NFIA: variants seen among roughly 807,000 people sequenced by gnomAD.
The protein encoded by NFIA is nuclear factor I A.
A neutral mutation model predicts 62.8 loss-of-function variants in NFIA; 8 were observed. That is an observed-to-expected ratio of 0.13 (90% confidence interval 0.07 to 0.23). The LOEUF (loss-of-function observed/expected upper bound fraction) is 0.23, where lower values mean the gene tolerates loss of function less well. Among genes scored for constraint, NFIA ranks in the 10% least tolerant of loss-of-function variants. The pLI, the probability that NFIA is intolerant of heterozygous loss-of-function variation, is 1.00. For synonymous variants in NFIA, 235 were observed against 238.1 expected (o/e 0.99, Z 0.12); for missense variants, 410 against 642.1 (o/e 0.64, Z 3.91).
intron 2 of NFIA, among the ~76,000 whole-genome samples, chr1:61,213,966 T>C (rs333150): frequency 0.069 from 10,508 of 152,174 alleles, 521 homozygotes; most frequent in East Asian, 0.25. Context: ...TCCAGGAAGG[T>C]GGGATACAAA....
At chr1:61,308,190 T>C (rs1416293775) in intron 3 of NFIA, among the ~76,000 whole-genome samples, 2 of 152,222 alleles carry the variant, frequency 1.3e-5, no homozygotes, top group Non-Finnish European at 2.9e-5. Flanking sequence ...TCTGTATGAA[T>C]GTTGCAGAGG....
intron 2 of NFIA, among the ~76,000 whole-genome samples, chr1:61,228,734 C>G (rs1039326135): frequency 5.3e-5 from 8 of 151,666 alleles, no homozygotes; most frequent in Non-Finnish European, 7.4e-5. Flanking sequence ...ATGTTAAATC[C>G]AAAAGAATCC....
At chr1:61,223,927 G>A (rs1654168947) in intron 2 of NFIA, among the ~76,000 whole-genome samples, 1 of 152,038 alleles carries the variant, frequency 6.6e-6, no homozygotes. Flanking sequence ...TCAGAAACCA[G>A]CCTGTTTGAA....
At chr1:61,453,373 G>C (rs1668147484) in intron 10 of NFIA, among the ~76,000 whole-genome samples, 1 of 150,820 alleles carries the variant, frequency 6.6e-6, no homozygotes, top group African/African-American at 2.4e-5. Flanking sequence ...TTTCAGTGAA[G>C]GATTACAGAG....
intron 3 of NFIA, among the ~76,000 whole-genome samples, chr1:61,316,336 T>C (rs1660365210): frequency 6.6e-6 from 1 of 152,164 alleles, no homozygotes; most frequent in East Asian, 1.9e-4. Context: ...ACAGAGAATA[T>C]AAGTCAGACA....
At chr1:61,363,297 C>T (rs757065055) in intron 6 of NFIA, among the ~76,000 whole-genome samples, 3 of 152,186 alleles carry the variant, frequency 2.0e-5, no homozygotes, top group Non-Finnish European at 4.4e-5. Flanking sequence ...ATGTCCTGGA[C>T]TGGTACTTTA....
rs186086739 is a variant in NFIA at position 61,363,553 on chromosome 1, G to A, written c.946+4279G>A. 2.6e-4 allele frequency among the ~76,000 whole-genome samples: 40 copies of A among 151,168 alleles called. 2 individuals are homozygous for A. The East Asian group carries it at 7.4e-3, about 28-fold the overall frequency. On this transcript the variant is annotated intron_variant, in intron 6 of 10. Transcript: ENST00000403491. ...TGGGAGGTGGAGGTTGCAGTGAACC[G>A]AGATCGTGCCATTGCACTCCAGCCT...
intron 9 of NFIA, among the ~76,000 whole-genome samples, chr1:61,419,789 A>G (rs1666523350): frequency 2.0e-5 from 3 of 152,198 alleles, no homozygotes; most frequent in African/African-American, 4.8e-5. Context: ...AGCATTGCTA[A>G]TATATTTAAG....
chr1:61,218,632 A>T (rs1302268967), intron 2 of NFIA, among the ~76,000 whole-genome samples: 1 of 152,196 alleles, frequency 6.6e-6, no homozygotes, highest in Non-Finnish European at 1.5e-5. Context: ...TCTTCCAAAC[A>T]TATATATGTA....
At chr1:61,148,394 C>T (rs1307451354) in intron 2 of NFIA, among the ~76,000 whole-genome samples, 3 of 152,176 alleles carry the variant, frequency 2.0e-5, no homozygotes, top group South Asian at 4.1e-4. Context: ...TCCCTGTCCC[C>T]TATCCCCTTT....
At chr1:61,195,063 G>A (rs199960198) in intron 2 of NFIA, among the ~76,000 whole-genome samples, 2 of 151,734 alleles carry the variant, frequency 1.3e-5, no homozygotes, top group Non-Finnish European at 2.9e-5. Flanking sequence ...ACCTCTTGTT[G>A]TATGTTATTC....
chr1:61,283,575 C>G (rs1658271572), intron 3 of NFIA, among the ~76,000 whole-genome samples: 1 of 22,690 alleles, frequency 4.4e-5, no homozygotes, highest in Admixed American at 1.0e-3. Flanking sequence ...GAACGAGACT[C>G]TGTCTCAAAA....
chr1:61,082,639 C>CAA lies in NFIA; in HGVS notation c.-152_-151dup. 6.6e-7 allele frequency: 1 copy of CAA among 1,518,456 alleles called. No individual in the cohort carries two copies. The highest frequency in any genetic ancestry group is 1.3e-5 in the South Asian group (1 of 79,610). The allele number at this position is 1,518,456 out of a possible 1,614,324, so 94.1% of individuals were successfully genotyped here. A position where few individuals can be genotyped will look rare whatever the true frequency, so the allele number is the denominator to read the frequency against. ...TTGAGCCGACTTGGAAATGTGAACG[C>CAA]AAGAAGCAGGCTTGATTTTTTTTTC... is the stretch of plus-strand genomic sequence containing the variant. On this transcript the variant is annotated 5_prime_UTR_variant, in exon 1 of 11. Coordinates refer to ENST00000403491, the MANE Select transcript of NFIA (RefSeq NM_001134673.4).
At position 61,458,301 on chromosome 1, in the gene NFIA, G is replaced by C. The variant is rs1668393857; in HGVS notation, c.*2981G>C. On this transcript the variant is annotated 3_prime_UTR_variant, in exon 11 of 11. Transcript: ENST00000403491. ...ACATTTTGTCAGAACCTTGCAATAA[G>C]CCAAGGTATTACCAGTAAATTGGTT... 1 of 152,032 alleles carries C rather than the reference G, an allele frequency of 6.6e-6. No homozygotes were observed. Among genetic ancestry groups the C allele is most frequent in the East Asian group, 1.9e-4 (1 of 5,188 alleles). The allele number at this position is 152,032 out of a possible 1,614,324, so 9.4% of individuals were successfully genotyped here. A position where few individuals can be genotyped will look rare whatever the true frequency, so the allele number is the denominator to read the frequency against.
At chr1:61,451,615 T>C (rs1668064021) in intron 10 of NFIA, among the ~76,000 whole-genome samples, 1 of 152,224 alleles carries the variant, frequency 6.6e-6, no homozygotes, top group Non-Finnish European at 1.5e-5. Context: ...CGACTAATTT[T>C]ACGTAACTGG....
chr1:61,454,687 C>T (rs1371451228), intron 10 of NFIA, among the ~76,000 whole-genome samples: 1 of 152,188 alleles, frequency 6.6e-6, no homozygotes, highest in Admixed American at 6.5e-5. Flanking sequence ...AATACTGTGA[C>T]TTGCTCAAAA....
At chr1:61,245,132 G>A (rs1655562888) in intron 2 of NFIA, among the ~76,000 whole-genome samples, 1 of 152,094 alleles carries the variant, frequency 6.6e-6, no homozygotes, top group Admixed American at 6.6e-5. Flanking sequence ...AGTATGAGGA[G>A]GACATACTTG....
At chr1:61,290,082 CTTTG>C (rs1353809276) in intron 3 of NFIA, among the ~76,000 whole-genome samples, 1 of 143,402 alleles carries the variant, frequency 7.0e-6, no homozygotes, top group Non-Finnish European at 1.5e-5. Flanking sequence ...TTTATGAACA[CTTTG>C]TTCTTTTTTT....
intron 2 of NFIA, among the ~76,000 whole-genome samples, chr1:61,254,070 T>A (rs748531506): frequency 2.0e-5 from 3 of 152,206 alleles, no homozygotes; most frequent in Non-Finnish European, 4.4e-5. Flanking sequence ...GAGTAAGACT[T>A]CATAAACATA....
Sources: allele counts gnomAD v4.1 joint callset (sites outside exome capture counted in the v4.1 genomes callset), GRCh38; gene constraint gnomAD v4.1.1; transcripts MANE v1.5; gene names NCBI Gene and HGNC (gene_info 2026-07-23, HGNC 2026-07-21).